CWC15: variants seen among roughly 807,000 people sequenced by gnomAD.
CWC15 encodes CWC15 spliceosome associated protein.
CWC15 carries 12 observed loss-of-function variants against 28.4 expected under a neutral mutation model. That is an observed-to-expected ratio of 0.42 (90% confidence interval 0.27 to 0.69). The LOEUF is 0.69. Among genes scored for constraint, CWC15 ranks in the 30% least tolerant of loss-of-function variants. CWC15 has a pLI of 0.23. For missense variants in CWC15, 192 were observed against 271.5 expected, an observed-to-expected ratio of 0.71 and a Z score of 2.06; for synonymous variants, 92 against 88.4, an observed-to-expected ratio of 1.04 and a Z score of -0.23.
chr11:94,966,465 ATT>A, intron 5 of CWC15, 52 bp from the exon 6 acceptor site: 1 of 1,153,680 alleles, frequency 8.7e-7, no homozygotes, highest in Non-Finnish European at 1.2e-6. Context: ...TCTGGGTTCA[ATT>A]TTTTTTATAT....
In CWC15 at chr11:94,969,068, T is replaced by C. The variant is rs147500466; in HGVS notation, c.441+921A>G. Among the ~76,000 whole-genome samples the C allele has an allele frequency of 6.4e-3, 980 of 152,318 alleles. 3 individuals are homozygous for C. Among genetic ancestry groups the C allele is most frequent in the Non-Finnish European group, 0.011 (736 of 68,022 alleles). On this transcript the variant is annotated intron_variant, in intron 5 of 6. Transcript: ENST00000279839. ...TCCCTGTATTGATGGCACCAACATT[T>C]ACCTAGAAAGTGAGGGTCCTCTCTG...
intron 5 of CWC15, among the ~76,000 whole-genome samples, chr11:94,967,841 G>A (rs1555095551): frequency 6.6e-6 from 1 of 152,106 alleles, no homozygotes; most frequent in East Asian, 1.9e-4. Context: ...ATATTTATTT[G>A]TAACAAATTA....
chr11:94,968,827 C>A (rs1555095732), intron 5 of CWC15, among the ~76,000 whole-genome samples: 1 of 152,190 alleles, frequency 6.6e-6, no homozygotes. Context: ...ATTGACCATG[C>A]AGTATATTTT....
At chr11:94,972,935 T>C (rs1157550046) in intron 1 of CWC15, among the ~76,000 whole-genome samples, 4 of 152,048 alleles carry the variant, frequency 2.6e-5, no homozygotes, top group African/African-American at 9.7e-5. Flanking sequence ...CTCAAGTTAC[T>C]TTCTGCTTGG....
chr11:94,971,833 A>G (rs907575816), intron 2 of CWC15, among the ~76,000 whole-genome samples: 2 of 152,322 alleles, frequency 1.3e-5, no homozygotes, highest in South Asian at 4.1e-4. Flanking sequence ...AGGCATTATT[A>G]TTTCTATTAT....
At chr11:94,966,546 T>A in intron 5 of CWC15, 133 bp from the exon 6 acceptor site, 2 of 93,168 alleles carry the variant, frequency 2.1e-5, no homozygotes, top group Non-Finnish European at 4.6e-5. Flanking sequence ...CAAGGCAGGC[T>A]TTTTTTTTTT....
chr11:94,972,025 G>GCA, intron 2 of CWC15, 30 bp downstream of exon 2: 1 of 1,594,368 alleles, frequency 6.3e-7, no homozygotes, highest in South Asian at 1.1e-5. Flanking sequence ...GTCTTGTTTT[G>GCA]TGAACAATAA....
chr11:94,966,906 T>C (rs1219945106), intron 5 of CWC15, among the ~76,000 whole-genome samples: 1 of 152,208 alleles, frequency 6.6e-6, no homozygotes, highest in African/African-American at 2.4e-5. Flanking sequence ...CTTGTGTCTC[T>C]AGGTTTGGTG....
chr11:94,971,259 C>G, intron 3 of CWC15, 116 bp downstream of exon 3: 1 of 973,382 alleles, frequency 1.0e-6, no homozygotes, highest in Non-Finnish European at 1.6e-6. Flanking sequence ...GAAAGTAGTA[C>G]AGCTCACATC....
chr11:94,972,891 G>A (rs1857744298), intron 1 of CWC15, among the ~76,000 whole-genome samples: 1 of 152,118 alleles, frequency 6.6e-6, no homozygotes, highest in Non-Finnish European at 1.5e-5. Context: ...CTCACCCCCA[G>A]AGGATTCTGA....
chr11:94,966,597 CAAAAT>C (rs1443401309), intron 5 of CWC15, among the ~76,000 whole-genome samples, 184 bp from the exon 6 acceptor site: 10 of 133,728 alleles, frequency 7.5e-5, no homozygotes, highest in Non-Finnish European at 9.3e-5. Context: ...TCTCCCTCAT[CAAAAT>C]AAAATAATTT....
intron 5 of CWC15, 62 bp from the exon 6 acceptor site, chr11:94,966,475 T>C (rs782457916): frequency 1.5e-5 from 16 of 1,037,930 alleles, no homozygotes; most frequent in Admixed American, 5.7e-5. Flanking sequence ...ATTTTTTTTA[T>C]ATTAGCTCAC....
chr11:94,966,197 G>GC, intron 6 of CWC15, 98 bp downstream of exon 6: 1 of 708,454 alleles, frequency 1.4e-6, no homozygotes, highest in Non-Finnish European at 2.3e-6. Flanking sequence ...CTTATAATCT[G>GC]CATGCCTGTG....
chr11:94,970,882 AAT>A, intron 4 of CWC15, 93 bp downstream of exon 4: 1 of 1,019,924 alleles, frequency 9.8e-7, no homozygotes, highest in South Asian at 1.3e-5. Context: ...ACTAAACATA[AAT>A]ATATGTCACT....
chr11:94,966,545 CTTT>C (rs34432027), intron 5 of CWC15, 132 bp from the exon 6 acceptor site: 2,452 of 236,078 alleles, frequency 0.01, no homozygotes, highest in South Asian at 0.015. Context: ...TCAAGGCAGG[CTTT>C]TTTTTTTTTT....
In CWC15 at chr11:94,971,077, C is replaced by A. The variant is rs782510702; in HGVS notation, c.245-12G>T. 2 of 1,604,384 alleles carry A rather than the reference C, an allele frequency of 1.2e-6. No individual in the cohort carries two copies. The highest frequency in any genetic ancestry group is 4.5e-5 in the East Asian group (2 of 44,812). On this transcript the variant is annotated splice_polypyrimidine_tract_variant and intron_variant, in intron 3 of 6. Transcript: ENST00000279839. Reference sequence around the variant, plus strand: ...GGAGGTTGTATGTTCTGGGGGGAAACAAAAATCATTTAACTTAGTAAAACA... The same window carrying A: ...GGAGGTTGTATGTTCTGGGGGGAAAAAAAAATCATTTAACTTAGTAAAACA...
intron 5 of CWC15, 90 bp downstream of exon 5, chr11:94,969,899 A>C (rs1205665310): frequency 1.5e-6 from 1 of 647,840 alleles, no homozygotes; most frequent in African/African-American, 1.9e-5. Flanking sequence ...GGAGATTTCT[A>C]ATATAAGAAG....
intron 6 of CWC15, among the ~76,000 whole-genome samples, chr11:94,965,525 G>A (rs781905619): frequency 1.3e-5 from 2 of 152,148 alleles, no homozygotes; most frequent in Non-Finnish European, 2.9e-5. Flanking sequence ...GCTGGCCCCT[G>A]GCTGGCATTT....
intron 5 of CWC15, among the ~76,000 whole-genome samples, chr11:94,969,162 C>A (rs1555095778): frequency 6.6e-6 from 1 of 152,140 alleles, no homozygotes; most frequent in African/African-American, 2.4e-5. Flanking sequence ...CTCCCCTTCC[C>A]ACTTTGACCT....
Sources: allele counts gnomAD v4.1 joint callset (sites outside exome capture counted in the v4.1 genomes callset), GRCh38; gene constraint gnomAD v4.1.1; transcripts MANE v1.5; gene names NCBI Gene and HGNC (gene_info 2026-07-23, HGNC 2026-07-21).